Variants in KCTD2 observed in about 807,000 individuals in gnomAD.
The protein encoded by KCTD2 is BTB/POZ domain-containing protein KCTD2.
KCTD2 carries 18 observed loss-of-function variants against 27.9 expected under a neutral mutation model. That is an observed-to-expected ratio of 0.64 (90% CI 0.45 to 0.96). The LOEUF (loss-of-function observed/expected upper bound fraction) is 0.96, where lower values mean the gene tolerates loss of function less well. Ranked by LOEUF, KCTD2 falls within the 40% of genes least tolerant of loss-of-function variation. The probability of loss-of-function intolerance (pLI) is 0.00; values close to 1 mark genes in which losing one functional copy is unlikely to be tolerated. For synonymous variants in KCTD2, 175 were observed against 148.4 expected, an observed-to-expected ratio of 1.18 and a Z score of -1.30; for missense variants, 280 against 348.0, an observed-to-expected ratio of 0.80 and a Z score of 1.56.
chr17:75,058,714 G>T (rs558253101), intron 3 of KCTD2, among the ~76,000 whole-genome samples: 1 of 152,198 alleles, frequency 6.6e-6, no homozygotes, highest in Admixed American at 6.5e-5. Flanking sequence ...CGGGAGAATC[G>T]CTTGAACCGG....
chr17:75,042,337 T>G, upstream of KCTD2: 1 of 1,563,866 alleles, frequency 6.4e-7, no homozygotes. Flanking sequence ...ATTCACATGG[T>G]AATTTTCCTA....
chr17:75,042,993 G>A (rs893947399), upstream of KCTD2, among the ~76,000 whole-genome samples: 1 of 152,140 alleles, frequency 6.6e-6, no homozygotes, highest in African/African-American at 2.4e-5. Flanking sequence ...AGGCCAAGAC[G>A]GTTGGATCAC....
chr17:75,042,673 C>A, upstream of KCTD2: 2 of 1,584,382 alleles, frequency 1.3e-6, no homozygotes, highest in South Asian at 2.3e-5. Context: ...AAAAATAAGT[C>A]AAATAAAAAC....
chr17:75,047,642 G>T, intron 1 of KCTD2, 53 bp downstream of exon 1: 2 of 1,550,372 alleles, frequency 1.3e-6, no homozygotes, highest in Non-Finnish European at 1.7e-6. Context: ...CTGGTTTCTC[G>T]TAGATCGGTC....
In KCTD2 at chr17:75,053,058, C is replaced by T. The variant is rs750908946; in HGVS notation, c.493C>T (p.Arg165Trp). 4 of 1,613,842 alleles carry T rather than the reference C, an allele frequency of 2.5e-6. No individual in the cohort carries two copies. The highest frequency in any genetic ancestry group is 3.4e-6 in the Non-Finnish European group (4 of 1,179,952). Residue 165 changes from arginine to tryptophan, a missense_variant, in exon 3 of 6, where the codon CGG (arginine) becomes TGG (tryptophan). By Grantham distance (101) the Arg-to-Trp change is moderately radical (BLOSUM62 -3). Transcript: ENST00000322444. ...AEFYNIASLV[R>W]LVKERIRDNE... is the part of the protein sequence containing the mutation. ...GTTTTACAACATCGCGTCCCTTGTG[C>T]GGCTGGTTAAGGAAAGGATACGGGA...
At chr17:75,036,085 G>A (rs1462213682) in intron 3 of KCTD2, 6 of 453,054 alleles carry the variant, frequency 1.3e-5, no homozygotes, top group Non-Finnish European at 2.7e-5. Context: ...ACGGAGTCTC[G>A]CTCTGTCACC....
chr17:75,057,272 T>C (rs2073359581), intron 3 of KCTD2, among the ~76,000 whole-genome samples: 1 of 151,872 alleles, frequency 6.6e-6, no homozygotes, highest in East Asian at 1.9e-4. Context: ...CTTAGAATAG[T>C]ATTTTTTGTA....
upstream of KCTD2, among the ~76,000 whole-genome samples, chr17:75,043,617 A>G (rs2073182737): frequency 6.6e-6 from 1 of 151,898 alleles, no homozygotes; most frequent in Middle Eastern, 3.4e-3. Context: ...GTCTCAAAAA[A>G]AAAAAAAAAA....
upstream of KCTD2, among the ~76,000 whole-genome samples, chr17:75,046,517 T>C (rs747385741): frequency 6.6e-6 from 1 of 152,234 alleles, no homozygotes; most frequent in Non-Finnish European, 1.5e-5. Context: ...GAACGCTCTA[T>C]ACGTTCGAAT....
upstream of KCTD2, chr17:75,042,332 C>G: frequency 6.3e-7 from 1 of 1,584,396 alleles, no homozygotes; most frequent in Non-Finnish European, 8.6e-7. Flanking sequence ...AGAAAATTCA[C>G]ATGGTAATTT....
At chr17:75,039,502 T>C in intron 3 of KCTD2, 1 of 523,034 alleles carries the variant, frequency 1.9e-6, no homozygotes, top group Non-Finnish European at 3.4e-6. Context: ...CGGCTGCTTC[T>C]GCAAGTTCCT....
upstream of KCTD2, chr17:75,047,177 G>T: frequency 2.3e-6 from 1 of 432,328 alleles, no homozygotes; most frequent in Non-Finnish European, 3.5e-6. Flanking sequence ...CGATGGGCCG[G>T]CCCGGCTCTC....
At chr17:75,038,764 G>A in intron 3 of KCTD2, 3 of 748,784 alleles carry the variant, frequency 4.0e-6, no homozygotes, top group Admixed American at 3.3e-5. Flanking sequence ...ACCTGTCGAG[G>A]CTCACCTTTC....
chr17:75,058,334 A>AT (rs1013384679), intron 3 of KCTD2, among the ~76,000 whole-genome samples: 3 of 144,308 alleles, frequency 2.1e-5, no homozygotes, highest in African/African-American at 8.0e-5. Context: ...CAAAAAAAAA[A>AT]AAGGAAAAAA....
At chr17:75,056,976 ACAGAGTCTCG>A (rs2073357058) in intron 3 of KCTD2, among the ~76,000 whole-genome samples, 1 of 108,264 alleles carries the variant, frequency 9.2e-6, no homozygotes, top group Non-Finnish European at 1.7e-5. Context: ...TTTTTTGGAG[ACAGAGTCTCG>A]CTGTGTTGAC....
chr17:75,062,743 C>CACACACACACACACACACACACACACAG (rs1325191013), intron 5 of KCTD2, among the ~76,000 whole-genome samples: 1 of 145,982 alleles, frequency 6.9e-6, no homozygotes, highest in Non-Finnish European at 1.5e-5. Context: ...CACACACACA[C>CACACACACACACACACACACACACACAG]AGCTTCTAAA....
At chr17:75,056,104 C>A (rs2073347697) in intron 3 of KCTD2, among the ~76,000 whole-genome samples, 1 of 152,160 alleles carries the variant, frequency 6.6e-6, no homozygotes, top group Middle Eastern at 3.2e-3. Context: ...AAAATTAACT[C>A]TTTTATCCAC....
At chr17:75,060,957 A>G (rs2073398778) in intron 4 of KCTD2, among the ~76,000 whole-genome samples, 1 of 152,152 alleles carries the variant, frequency 6.6e-6, no homozygotes, top group African/African-American at 2.4e-5. Flanking sequence ...TGTGTCTGTC[A>G]TCCTGGTTCT....
At chr17:75,042,321 T>C, upstream of KCTD2, 1 of 1,594,376 alleles carries the variant, frequency 6.3e-7, no homozygotes, top group Non-Finnish European at 8.6e-7. Context: ...TCATAAGCAG[T>C]AGAAAATTCA....
Sources: allele counts gnomAD v4.1 joint callset (sites outside exome capture counted in the v4.1 genomes callset), GRCh38; gene constraint gnomAD v4.1.1; transcripts MANE v1.5; gene names NCBI Gene and HGNC (gene_info 2026-07-23, HGNC 2026-07-21).